CTPS2: variants seen among roughly 807,000 people sequenced by gnomAD.
CTPS2 encodes CTP synthase II.
In CTPS2, 19 loss-of-function variants were observed where a neutral mutation model predicts 46.8. The observed-to-expected ratio is 0.41, with a 90% confidence interval of 0.28 to 0.60. The LOEUF (loss-of-function observed/expected upper bound fraction) is 0.60. Ranked by LOEUF, CTPS2 falls within the 20% of genes least tolerant of loss-of-function variation. The pLI is 0.35. For synonymous variants in CTPS2, 151 were observed against 165.2 expected (o/e 0.91, Z 0.66); for missense variants, 286 against 447.6 (o/e 0.64, Z 3.26).
intron 9 of CTPS2, among the ~76,000 whole-genome samples, chrX:16,679,470 C>CA (rs1282003220): frequency 9.0e-6 from 1 of 111,600 alleles, no homozygotes; most frequent in Non-Finnish European, 1.9e-5. Context: ...CTGGGACCCT[C>CA]AAAAAAGGCC....
At chrX:16,697,887 T>C (rs1924247610) in intron 4 of CTPS2, among the ~76,000 whole-genome samples, 1 of 112,022 alleles carries the variant, frequency 8.9e-6, no homozygotes, top group Admixed American at 9.6e-5. Flanking sequence ...CTGTTGTGTG[T>C]AGACAGGGTT....
At chrX:16,647,252 A>ATTTTTTT (rs1932363451) in intron 13 of CTPS2, among the ~76,000 whole-genome samples, 2 of 53,796 alleles carry the variant, frequency 3.7e-5, no homozygotes, top group African/African-American at 1.6e-4. Context: ...CATTGGGCCC[A>ATTTTTTT]TTCTTTTTTT....
At chrX:16,603,182 C>T (rs1298175286) in intron 17 of CTPS2, among the ~76,000 whole-genome samples, 1 of 110,777 alleles carries the variant, frequency 9.0e-6, no homozygotes, top group African/African-American at 3.3e-5. Flanking sequence ...TTCGGGAGGC[C>T]GAGGCGGGTG....
At chrX:16,595,319 T>A (rs1278433098) in intron 17 of CTPS2, among the ~76,000 whole-genome samples, 2 of 111,627 alleles carry the variant, frequency 1.8e-5, no homozygotes, top group Non-Finnish European at 3.8e-5. Context: ...TTAATTAATT[T>A]ATTTATTTAA....
intron 4 of CTPS2, among the ~76,000 whole-genome samples, chrX:16,696,642 C>T (rs536051296): frequency 1.5e-4 from 17 of 111,667 alleles, no homozygotes; most frequent in East Asian, 8.4e-4. Flanking sequence ...AAGTTTGAGG[C>T]TGCAGTGGGC....
intron 14 of CTPS2, among the ~76,000 whole-genome samples, chrX:16,623,482 AG>A (rs1464118597): frequency 1.8e-5 from 2 of 111,324 alleles, no homozygotes; most frequent in Non-Finnish European, 1.9e-5. Context: ...TTTGGTTTTT[AG>A]ATCCCACAAA....
At chrX:16,613,802 G>A (rs1446821265) in intron 16 of CTPS2, among the ~76,000 whole-genome samples, 1 of 111,193 alleles carries the variant, frequency 9.0e-6, no homozygotes, top group Admixed American at 9.6e-5. Context: ...TGTTGCCCAC[G>A]CTGGTCTCGA....
At chrX:16,595,319 T>C (rs1278433098) in intron 17 of CTPS2, among the ~76,000 whole-genome samples, 2 of 111,627 alleles carry the variant, frequency 1.8e-5, no homozygotes, top group African/African-American at 6.5e-5. Context: ...TTAATTAATT[T>C]ATTTATTTAA....
At chrX:16,688,437 C>CA (rs773403090) in intron 8 of CTPS2, among the ~76,000 whole-genome samples, 1 of 96,948 alleles carries the variant, frequency 1.0e-5, no homozygotes, top group African/African-American at 3.9e-5. Context: ...CTTAATTTCC[C>CA]TTTTTTTTTT....
chrX:16,609,141 G>C (rs1344122661), intron 17 of CTPS2, among the ~76,000 whole-genome samples: 1 of 111,307 alleles, frequency 9.0e-6, no homozygotes, highest in African/African-American at 3.3e-5. Context: ...AAGGATTAAT[G>C]ACCTTTATAC....
At chrX:16,684,609 A>C (rs6629170) in intron 8 of CTPS2, among the ~76,000 whole-genome samples, 42,948 of 109,891 alleles carry the variant, frequency 0.39, 6,121 homozygotes, top group African/African-American at 0.42. Context: ...AATAATGCAC[A>C]AGAAGCTAAG....
At chrX:16,709,129 A>T (rs1193737591) in intron 1 of CTPS2, among the ~76,000 whole-genome samples, 1 of 111,011 alleles carries the variant, frequency 9.0e-6, no homozygotes. Context: ...AGTTAAAAAA[A>T]AAGAAAATGC....
At chrX:16,692,037 A>G (rs1279421479) in intron 6 of CTPS2, among the ~76,000 whole-genome samples, 3 of 111,946 alleles carry the variant, frequency 2.7e-5, no homozygotes, top group Admixed American at 9.6e-5. Context: ...CTGCATGCCA[A>G]TAAAACTTTA....
intron 2 of CTPS2, among the ~76,000 whole-genome samples, chrX:16,701,922 G>C (rs1415463080): frequency 9.0e-6 from 1 of 111,174 alleles, no homozygotes; most frequent in Non-Finnish European, 1.9e-5. Flanking sequence ...TCTGTTTCTT[G>C]ATCAGGGGCT....
chrX:16,680,131 A>G (rs1922615768), intron 9 of CTPS2, among the ~76,000 whole-genome samples: 1 of 111,809 alleles, frequency 8.9e-6, no homozygotes, highest in South Asian at 3.7e-4. Flanking sequence ...GGAAGATGAC[A>G]AGGCCAGGAT....
intron 10 of CTPS2, among the ~76,000 whole-genome samples, chrX:16,674,078 T>C (rs1922000981): frequency 9.0e-6 from 1 of 111,375 alleles, no homozygotes; most frequent in South Asian, 3.7e-4. Flanking sequence ...TGAAATGTGT[T>C]TTTAGTAAAA....
At position 16,636,891 on chromosome X, in the gene CTPS2, T is replaced by C. The variant is rs1931781414; in HGVS notation, c.1393+2256A>G. 7.2e-5 allele frequency among the ~76,000 whole-genome samples: 8 copies of C among 110,594 alleles called. No homozygotes were observed. In the Admixed American group the frequency reaches 7.7e-4, roughly 11 times the overall value. On this transcript the variant is annotated intron_variant, in intron 14 of 18. Coordinates refer to ENST00000359276, the MANE Select transcript of CTPS2 (RefSeq NM_175859.3). ...GAGATTTCGCCACTGCACTCCAGCC[T>C]GGGCGACAGAGCCAGACTCCGTCTC...
At chrX:16,691,479 C>G in intron 7 of CTPS2, 61 bp downstream of exon 7, 1 of 956,076 alleles carries the variant, frequency 1.0e-6, no homozygotes. Flanking sequence ...TGAAGAGGTA[C>G]AAAACACTGG....
chrX:16,593,976 A>G (rs945224142), intron 17 of CTPS2, among the ~76,000 whole-genome samples: 1 of 111,311 alleles, frequency 9.0e-6, no homozygotes, highest in African/African-American at 3.3e-5. Context: ...TCTATGCAAC[A>G]TTTTGTGTCA....
Sources: gnomAD v4.1 joint callset for allele counts (sites outside exome capture counted in the v4.1 genomes callset) on GRCh38, gnomAD v4.1.1 for gene constraint, MANE v1.5 for transcripts, NCBI Gene and HGNC (gene_info 2026-07-23, HGNC 2026-07-21) for gene names.